Variants in UNC13C observed in about 807,000 individuals in gnomAD.
UNC13C encodes the protein protein unc-13 homolog C.
Under a neutral mutation model 245.4 loss-of-function variants are expected in UNC13C, and 174 were observed. The ratio of observed to expected loss-of-function variants is 0.71; its 90% CI spans 0.63 to 0.80. The LOEUF is 0.80. UNC13C is among the 30% of genes least tolerant of loss of function. UNC13C has a pLI of 0.00. For missense variants in UNC13C, 2,829 were observed against 2,602.9 expected, an observed-to-expected ratio of 1.09 and a Z score of -1.89; for synonymous variants, 992 against 895.1, an observed-to-expected ratio of 1.11 and a Z score of -1.93.
At chr15:54,051,011 G>A in intron 2 of UNC13C, 1 of 409,466 alleles carries the variant, frequency 2.4e-6, no homozygotes, top group Non-Finnish European at 4.8e-6. Flanking sequence ...TCACCATAGT[G>A]ACTTCTTGAC....
chr15:54,017,170 A>G lies in UNC13C; in HGVS notation c.2983+1284A>G, dbSNP rs548496148. On this transcript the variant is annotated intron_variant, in intron 2 of 32. Coordinates refer to ENST00000260323, the MANE Select transcript of UNC13C (RefSeq NM_001080534.3). ...TTTATGTAATTTATTTAGGAATGAT[A>G]TAAGTCAAAGGGATCTTGAATGCAC... Among the ~76,000 whole-genome samples the G allele has an allele frequency of 3.0e-4, 45 of 152,348 alleles. 2 individuals carry two copies. Among genetic ancestry groups the G allele is most frequent in the African/African-American group, 1.0e-3 (42 of 41,582 alleles).
At chr15:54,268,515 T>C (rs1243192021) in intron 10 of UNC13C, among the ~76,000 whole-genome samples, 1 of 152,120 alleles carries the variant, frequency 6.6e-6, no homozygotes, top group Admixed American at 6.6e-5. Flanking sequence ...ACATTGCAAA[T>C]GTTACTTTGT....
intron 2 of UNC13C, among the ~76,000 whole-genome samples, chr15:54,051,124 A>G (rs1897251937): frequency 6.6e-6 from 1 of 152,182 alleles, no homozygotes; most frequent in South Asian, 2.1e-4. Context: ...ATTCATTTTT[A>G]TAGAGCCACA....
At chr15:54,084,048 T>C (rs2141122873) in intron 2 of UNC13C, among the ~76,000 whole-genome samples, 1 of 152,314 alleles carries the variant, frequency 6.6e-6, no homozygotes, top group South Asian at 2.1e-4. Context: ...AGGCAGCAGA[T>C]TGCCACAGAG....
At chr15:54,537,178 C>T (rs28813404) in intron 26 of UNC13C, among the ~76,000 whole-genome samples, 1,671 of 152,060 alleles carry the variant, frequency 0.011, 34 homozygotes, top group African/African-American at 0.035. Context: ...TTCTATGCAC[C>T]AACAGCATCC....
At chr15:54,049,784 A>C in intron 2 of UNC13C, 1 of 254,488 alleles carries the variant, frequency 3.9e-6, no homozygotes, top group South Asian at 5.1e-5. Flanking sequence ...ACAATTCTCC[A>C]TCTGGAGCCC....
chr15:54,631,803 A>G (rs1247797907), downstream of UNC13C: 2 of 152,202 alleles, frequency 1.3e-5, no homozygotes, highest in African/African-American at 2.4e-5. Flanking sequence ...AAACATTCAC[A>G]TACAGGATTT....
chr15:54,129,761 A>C (rs1032152876), intron 2 of UNC13C, among the ~76,000 whole-genome samples: 10 of 151,474 alleles, frequency 6.6e-5, no homozygotes, highest in African/African-American at 2.4e-4. Context: ...CCTCTTACAT[A>C]ATAATAATAT....
At chr15:54,218,113 A>G (rs1045229849) in intron 4 of UNC13C, among the ~76,000 whole-genome samples, 2 of 151,992 alleles carry the variant, frequency 1.3e-5, no homozygotes, top group Non-Finnish European at 2.9e-5. Context: ...ATGCAGTTTT[A>G]TAGGGGATAT....
chr15:54,619,768 C>G (rs1455488169), intron 30 of UNC13C, among the ~76,000 whole-genome samples: 1 of 152,018 alleles, frequency 6.6e-6, no homozygotes, highest in Admixed American at 6.5e-5. Flanking sequence ...TAATGCACAT[C>G]AAAGCATTGT....
chr15:54,163,084 C>T (rs2033037716), intron 4 of UNC13C, among the ~76,000 whole-genome samples: 1 of 152,118 alleles, frequency 6.6e-6, no homozygotes, highest in African/African-American at 2.4e-5. Context: ...AATATGTTAC[C>T]TTACGTGGCA....
chr15:54,013,212 A>G lies in UNC13C; in HGVS notation c.309A>G (p.Gln103=), dbSNP rs752581302. 1.2e-6 allele frequency: 2 copies of G among 1,613,812 alleles called. No homozygotes were observed. The highest frequency in any genetic ancestry group is 2.7e-5 in the African/African-American group (2 of 75,050). The change falls in exon 2 of 33, where the codon CAA becomes CAG. Residue 103 remains glutamine (Q), a synonymous_variant. Coordinates refer to ENST00000260323, the MANE Select transcript of UNC13C (RefSeq NM_001080534.3). ...SYRVAIANGL[Q]KNAKVTNSDN... is the part of the protein sequence containing the mutation. ...GAGTAGCTATTGCCAATGGCCTACA[A>G]AAGAATGCTAAAGTAACCAACAGTG... is the stretch of plus-strand genomic sequence containing the variant.
At chr15:54,037,341 C>T (rs139409907) in intron 2 of UNC13C, among the ~76,000 whole-genome samples, 11 of 152,196 alleles carry the variant, frequency 7.2e-5, no homozygotes, top group Non-Finnish European at 1.3e-4. Context: ...CACAATGTGC[C>T]GTGGGCAAAT....
At chr15:53,880,141 A>G in the UNC13C span, among the ~76,000 whole-genome samples, 3 of 152,164 alleles carry the variant, frequency 2.0e-5, no homozygotes, top group Non-Finnish European at 4.4e-5. Flanking sequence ...TTAAATGGCT[A>G]GGAAGAACGA....
At chr15:54,403,491 G>C (rs1336999078) in intron 18 of UNC13C, among the ~76,000 whole-genome samples, 1 of 152,014 alleles carries the variant, frequency 6.6e-6, no homozygotes, top group Non-Finnish European at 1.5e-5. Context: ...GGAACCCGAG[G>C]CAGGAGGATT....
At chr15:54,289,808 A>C (rs1051356057) in intron 10 of UNC13C, among the ~76,000 whole-genome samples, 3 of 151,042 alleles carry the variant, frequency 2.0e-5, no homozygotes, top group Non-Finnish European at 4.4e-5. Flanking sequence ...CTGTTGGGGG[A>C]AAAAAAAAGC....
intron 17 of UNC13C, among the ~76,000 whole-genome samples, chr15:54,390,617 C>A (rs1318959245): frequency 1.3e-5 from 2 of 151,768 alleles, no homozygotes; most frequent in Non-Finnish European, 2.9e-5. Context: ...ACCATATTTT[C>A]TTGATATAAC....
At chr15:54,172,723 T>G (rs1201343510) in intron 4 of UNC13C, among the ~76,000 whole-genome samples, 3 of 13,080 alleles carry the variant, frequency 2.3e-4, no homozygotes, top group Non-Finnish European at 6.5e-4. Context: ...TATATATATA[T>G]ATATATATAT....
intron 30 of UNC13C, among the ~76,000 whole-genome samples, chr15:54,606,697 G>C (rs1899784604): frequency 6.6e-6 from 1 of 152,186 alleles, no homozygotes; most frequent in Admixed American, 6.5e-5. Flanking sequence ...GAGTTAAAGA[G>C]ATTAAGGAAT....
Sources: allele counts gnomAD v4.1 joint callset (sites outside exome capture counted in the v4.1 genomes callset), GRCh38; gene constraint gnomAD v4.1.1; transcripts MANE v1.5; gene names NCBI Gene and HGNC (gene_info 2026-07-23, HGNC 2026-07-21).